Variants in CNTLN observed in about 807,000 individuals in gnomAD.
CNTLN encodes the protein centlein.
CNTLN carries 212 observed loss-of-function variants against 180.0 expected under a neutral mutation model. The observed-to-expected ratio is 1.18, with a 90% CI of 1.05 to 1.32. The LOEUF is 1.32. Ranked by LOEUF, CNTLN falls within the 40% of genes most tolerant of loss-of-function variation. CNTLN has a pLI of 0.00. For missense variants in CNTLN, 2,095 were observed against 1,610.9 expected (o/e 1.30, Z -5.14); for synonymous variants, 722 against 563.1 (o/e 1.28, Z -3.99).
At chr9:17,471,089 A>C (rs1832023194) in intron 23 of CNTLN, among the ~76,000 whole-genome samples, 1 of 152,066 alleles carries the variant, frequency 6.6e-6, no homozygotes, top group African/African-American at 2.4e-5. Flanking sequence ...TCATAATAAA[A>C]ATACATTTCC....
intron 10 of CNTLN, among the ~76,000 whole-genome samples, chr9:17,334,968 G>C (rs912820433): frequency 6.6e-6 from 1 of 151,160 alleles, no homozygotes; most frequent in Non-Finnish European, 1.5e-5. Flanking sequence ...CAGGAGAGCT[G>C]ATGGTATAGT....
intron 2 of CNTLN, among the ~76,000 whole-genome samples, chr9:17,211,511 T>C (rs1251160331): frequency 6.6e-6 from 1 of 152,236 alleles, no homozygotes; most frequent in Non-Finnish European, 1.5e-5. Flanking sequence ...TTTGTTCTTT[T>C]GGCTTAGGAT....
chr9:17,138,897 G>T (rs1817894664), intron 1 of CNTLN, among the ~76,000 whole-genome samples: 1 of 152,086 alleles, frequency 6.6e-6, no homozygotes, highest in African/African-American at 2.4e-5. Context: ...TTCCAGGTCA[G>T]TTGATGAAAG....
chr9:17,164,680 C>T (rs1197570266), intron 2 of CNTLN, among the ~76,000 whole-genome samples: 1 of 151,516 alleles, frequency 6.6e-6, no homozygotes, highest in Non-Finnish European at 1.5e-5. Flanking sequence ...TTCCTGACCT[C>T]AGGTGATCTG....
At chr9:17,404,521 A>G (rs1483610629) in intron 15 of CNTLN, among the ~76,000 whole-genome samples, 2 of 151,660 alleles carry the variant, frequency 1.3e-5, no homozygotes, top group African/African-American at 4.9e-5. Flanking sequence ...AAAAAGCGTC[A>G]AAAGGAGCTA....
chr9:17,269,760 C>G (rs552407309), intron 5 of CNTLN, among the ~76,000 whole-genome samples: 1 of 152,118 alleles, frequency 6.6e-6, no homozygotes, highest in South Asian at 2.1e-4. Flanking sequence ...CTGTATTATT[C>G]TTTTAGTTCC....
intron 16 of CNTLN, among the ~76,000 whole-genome samples, chr9:17,410,851 C>G (rs1022092664): frequency 6.6e-6 from 1 of 152,050 alleles, no homozygotes; most frequent in African/African-American, 2.4e-5. Context: ...AGGGATATTT[C>G]TCTAGGCTTT....
chr9:17,231,387 G>A (rs1824803494), intron 3 of CNTLN, among the ~76,000 whole-genome samples: 2 of 151,866 alleles, frequency 1.3e-5, no homozygotes, highest in African/African-American at 4.8e-5. Context: ...CTTTCCTAGG[G>A]TGCAATCTAA....
At chr9:17,258,026 G>T (rs915317903) in intron 5 of CNTLN, among the ~76,000 whole-genome samples, 1 of 150,974 alleles carries the variant, frequency 6.6e-6, no homozygotes, top group Non-Finnish European at 1.5e-5. Flanking sequence ...CATTGCTTTT[G>T]TTGTTTCAGA....
At chr9:17,313,149 G>T (rs1169656018) in intron 8 of CNTLN, among the ~76,000 whole-genome samples, 1 of 151,966 alleles carries the variant, frequency 6.6e-6, no homozygotes, top group Non-Finnish European at 1.5e-5. Context: ...CCCTTTAATG[G>T]TTATATTTTG....
chr9:17,208,246 T>G (rs1262033044), intron 2 of CNTLN, among the ~76,000 whole-genome samples: 1 of 152,216 alleles, frequency 6.6e-6, no homozygotes, highest in African/African-American at 2.4e-5. Context: ...TTTTGTGCTT[T>G]ATTATGTTGA....
At chr9:17,348,152 A>G (rs958260718) in intron 12 of CNTLN, among the ~76,000 whole-genome samples, 1 of 152,104 alleles carries the variant, frequency 6.6e-6, no homozygotes, top group African/African-American at 2.4e-5. Context: ...ATGATAACGC[A>G]CTGAGTATGT....
intron 23 of CNTLN, among the ~76,000 whole-genome samples, chr9:17,468,751 G>A (rs1348635869): frequency 6.6e-6 from 1 of 151,548 alleles, no homozygotes; most frequent in African/African-American, 2.4e-5. Flanking sequence ...ATACAAAGTA[G>A]TTCAGCAAAA....
rs777621214 is a variant in CNTLN, at chr9:17,332,097, C to T, written c.1519-508C>T. Among the ~76,000 whole-genome samples, 38 of 152,014 alleles carry T rather than the reference C, an allele frequency of 2.5e-4. 1 individual carries two copies. Among genetic ancestry groups the T allele is most frequent in the Admixed American group, 6.6e-4 (10 of 15,266 alleles). On this transcript the variant is annotated intron_variant, in intron 9 of 25. Transcript: ENST00000380647. Reference sequence around the variant, plus strand: ...ACGTATTCTTGTCTCTAGTTAGCCACATTATAGTTAATGACCATATGGTCA... The same window carrying T: ...ACGTATTCTTGTCTCTAGTTAGCCATATTATAGTTAATGACCATATGGTCA...
chr9:17,171,350 C>G (rs986920615), intron 2 of CNTLN, among the ~76,000 whole-genome samples: 2 of 152,122 alleles, frequency 1.3e-5, no homozygotes, highest in African/African-American at 4.8e-5. Context: ...TACAAGAGTG[C>G]TGGCTGGATG....
At chr9:17,436,491 G>C (rs539324282) in intron 18 of CNTLN, among the ~76,000 whole-genome samples, 15 of 152,276 alleles carry the variant, frequency 9.9e-5, no homozygotes, top group African/African-American at 3.1e-4. Flanking sequence ...AAACAGCAGA[G>C]CACAGCCCAT....
At chr9:17,247,730 A>G (rs77108128) in intron 5 of CNTLN, among the ~76,000 whole-genome samples, 1,534 of 149,160 alleles carry the variant, frequency 0.01, 26 homozygotes, top group African/African-American at 0.035. Flanking sequence ...TCCTCTCACC[A>G]GGTGTTTTTC....
chr9:17,203,642 C>T (rs1822705844), intron 2 of CNTLN, among the ~76,000 whole-genome samples: 1 of 152,130 alleles, frequency 6.6e-6, no homozygotes, highest in Non-Finnish European at 1.5e-5. Flanking sequence ...CTGCAAGCTC[C>T]ACCTCCCGTG....
At chr9:17,409,090 T>C (rs2133839677) in intron 15 of CNTLN, among the ~76,000 whole-genome samples, 1 of 152,306 alleles carries the variant, frequency 6.6e-6, no homozygotes, top group African/African-American at 2.4e-5. Context: ...TTAGATAATC[T>C]GTTTTCTTGA....
Sources: allele counts gnomAD v4.1 joint callset (sites outside exome capture counted in the v4.1 genomes callset), GRCh38; gene constraint gnomAD v4.1.1; transcripts MANE v1.5; gene names NCBI Gene and HGNC (gene_info 2026-07-23, HGNC 2026-07-21).